Variants in LAMA5 observed in about 807,000 individuals in gnomAD.
LAMA5 encodes the protein laminin subunit alpha-5.
In LAMA5, 260 loss-of-function variants were observed where a neutral mutation model predicts 433.4. The ratio of observed to expected loss-of-function variants is 0.60; its 90% CI spans 0.54 to 0.66. The LOEUF (loss-of-function observed/expected upper bound fraction) is 0.66, where lower values mean the gene tolerates loss of function less well. Ranked by LOEUF, LAMA5 falls within the 30% of genes least tolerant of loss-of-function variation. The probability of loss-of-function intolerance (pLI) is 0.00; values close to 1 mark genes in which losing one functional copy is unlikely to be tolerated. For missense variants in LAMA5, 5,378 were observed against 5,258.5 expected (o/e 1.02, Z -0.70); for synonymous variants, 2,620 against 2,226.6 (o/e 1.18, Z -4.97).
rs1194357866 is a variant in LAMA5 at position 62,317,727 on chromosome 20, G to A, written c.7291C>T (p.His2431Tyr). Residue 2431 changes from histidine (H) to tyrosine (Y), a missense_variant, in exon 54 of 80, where the codon CAT (histidine) becomes TAT (tyrosine). Physicochemically the swap from His to Tyr is moderately conservative, Grantham distance 83. Coordinates refer to ENST00000252999, the MANE Select transcript of LAMA5 (RefSeq NM_005560.6). ...RDNATLQATLHAARDTLASVF... is the reference protein window; with the variant it reads ...RDNATLQATLYAARDTLASVF... Reference sequence around the variant, plus strand: ...CTGGCCAGGGTGTCCCTAGCCGCATGCAGAGTGGCCTGCAGGGTGGCATTG... The same window carrying A: ...CTGGCCAGGGTGTCCCTAGCCGCATACAGAGTGGCCTGCAGGGTGGCATTG... 27 of 1,607,690 alleles carry A rather than the reference G, an allele frequency of 1.7e-5. No homozygotes were observed. Among genetic ancestry groups the A allele is most frequent in the Non-Finnish European group, 2.3e-5 (27 of 1,177,924 alleles).
Position 62,326,748 on chromosome 20 carries a change from T to C in LAMA5, c.5227A>G (p.Ser1743Gly). 6.2e-7 allele frequency: 1 copy of C among 1,612,930 alleles called. No individual in the cohort carries two copies. The highest frequency in any genetic ancestry group is 8.5e-7 in the Non-Finnish European group (1 of 1,179,864). The change falls in exon 40 of 80, where the codon AGC becomes GGC. Residue 1743 changes from serine (S) to glycine (G), a missense_variant. Physicochemically the swap from Ser to Gly is moderately conservative, Grantham distance 56. Transcript: ENST00000252999. ...PDVVLQGNQMSITFLEPAYPT... is the reference protein window; with the variant it reads ...PDVVLQGNQMGITFLEPAYPT... ...TATGCCGGCTCCAGGAATGTGATGC[T>C]CATCTGGTTGCCCTGGGAAGGCACA...
In LAMA5 at chr20:62,346,067, T is replaced by G. The variant is rs769167664; in HGVS notation, c.1417+14A>C. The stretch of plus-strand genomic sequence containing the variant: ...GCAGTGGTGTCTGTTTGGATGCCCC[T>G]GGCAGGTGCTCACGGTAGCAGCTTG... On this transcript the variant is annotated intron_variant, in intron 10 of 79. Coordinates refer to ENST00000252999, the MANE Select transcript of LAMA5 (RefSeq NM_005560.6). The G allele has an allele frequency of 2.1e-5, 34 of 1,612,702 alleles. No individual in the cohort carries two copies. Among genetic ancestry groups the G allele is most frequent in the Non-Finnish European group, 2.8e-5 (33 of 1,179,878 alleles).
intron 57 of LAMA5, chr20:62,316,440 C>A (rs1986939326): frequency 3.8e-6 from 2 of 520,956 alleles, no homozygotes; most frequent in Non-Finnish European, 6.8e-6. Context: ...TCAGCTGGTG[C>A]CTCAGTGGCA....
rs144732426 is a variant in LAMA5 at position 62,338,506 on chromosome 20, T to G, written c.1580A>C (p.Glu527Ala). The G allele has an allele frequency of 6.2e-7, 1 of 1,609,704 alleles. No homozygotes were observed. Among genetic ancestry groups the G allele is most frequent in the Non-Finnish European group, 8.5e-7 (1 of 1,178,934 alleles). Residue 527 changes from glutamate (E) to alanine (A), a missense_variant, in exon 12 of 80, where the codon GAG becomes GCG. Physicochemically the swap from Glu to Ala is moderately radical, Grantham distance 107. Coordinates refer to ENST00000252999, the MANE Select transcript of LAMA5 (RefSeq NM_005560.6). ...CKPNFQGTHC[E>A]LCAPGFYGPG... ...GCCGTAGAACCCTGGCGCGCAGAGC[T>G]CACAATGGGTGCCTTGGAAGTTGGG... is the stretch of plus-strand genomic sequence containing the variant.
chr20:62,351,731 T>C lies in LAMA5; in HGVS notation c.929A>G (p.Asp310Gly). Residue 310 changes from aspartate to glycine, a missense_variant, in exon 6 of 80, where the codon GAT becomes GGT. Physicochemically the swap from Asp to Gly is moderately conservative, Grantham distance 94. Transcript: ENST00000252999. ...GAACGGGTCCGTGGGGTCTTTGGCA[T>C]CGCAGGCATCCGCGTGGCCGTGGCA... ...CVCHGHADAC[D>G]AKDPTDPFRL... 6.2e-7 allele frequency: 1 copy of C among 1,612,040 alleles called. No individual in the cohort carries two copies. The highest frequency in any genetic ancestry group is 8.5e-7 in the Non-Finnish European group (1 of 1,179,846).
Position 62,310,497 on chromosome 20 carries a change from C to T in LAMA5, c.10522G>A (p.Ala3508Thr). Residue 3508 changes from alanine (A) to threonine (T), a missense_variant, in exon 76 of 80, where the codon GCA (alanine) becomes ACA (threonine). By Grantham distance (58) the Ala-to-Thr change is moderately conservative. Coordinates refer to ENST00000252999, the MANE Select transcript of LAMA5 (RefSeq NM_005560.6). ...CCCAAGATGCAGGGTGTGACCCCTG[C>T]CATCCGTGTGGGGGCCCCCAGGGGC... The part of the protein sequence containing the change: ...GRPLGAPTRM[A>T]GVTPCILGPL... The T allele has an allele frequency of 1.9e-6, 3 of 1,567,084 alleles. No individual in the cohort carries two copies. Among genetic ancestry groups the T allele is most frequent in the South Asian group, 1.2e-5 (1 of 82,408 alleles).
chr20:62,342,742 G>A (rs1375440727), intron 11 of LAMA5, among the ~76,000 whole-genome samples: 2 of 152,138 alleles, frequency 1.3e-5, no homozygotes, highest in African/African-American at 2.4e-5. Context: ...AAAGGGTTTT[G>A]TAAGTTTGAC....
At chr20:62,316,274 G>C (rs1986921022) in intron 57 of LAMA5, 1 of 592,252 alleles carries the variant, frequency 1.7e-6, no homozygotes, top group African/African-American at 1.9e-5. Flanking sequence ...TGCAGGCATA[G>C]CTGTCCCCAT....
intron 57 of LAMA5, 181 bp from the exon 58 acceptor site, chr20:62,316,239 G>A (rs1261037380): frequency 8.4e-6 from 5 of 598,800 alleles, no homozygotes; most frequent in Admixed American, 2.9e-5. Context: ...CGTAGCCTCT[G>A]TTCCCTGAAG....
Position 62,333,717 on chromosome 20 carries a change from G to C in LAMA5, c.2879-11C>G. The stretch of plus-strand genomic sequence containing the variant: ...GACTCTGTGCTGTGCCTGGGCGGGG[G>C]CAGGGGTGAGACTCCTGAGCCCAGC... On this transcript the variant is annotated splice_polypyrimidine_tract_variant and intron_variant, in intron 23 of 79. Transcript: ENST00000252999. 6.4e-7 allele frequency: 1 copy of C among 1,573,538 alleles called. No individual in the cohort carries two copies.
intron 2 of LAMA5, among the ~76,000 whole-genome samples, chr20:62,356,850 G>A (rs745933224): frequency 2.0e-5 from 3 of 152,238 alleles, no homozygotes; most frequent in Non-Finnish European, 4.4e-5. Flanking sequence ...GAGGGAGGAC[G>A]CCAGCTGCTC....
chr20:62,334,856 C>T (rs1175091766), intron 20 of LAMA5, among the ~76,000 whole-genome samples, 165 bp downstream of exon 20: 3 of 151,802 alleles, frequency 2.0e-5, no homozygotes, highest in Admixed American at 6.6e-5. Context: ...GTGGGAGCTG[C>T]ACCCCCTCTC....
Position 62,324,829 on chromosome 20 carries a change from C to CA in LAMA5, c.5530-276dup, listed in dbSNP as rs1268695524. 1.8e-5 allele frequency: 9 copies of CA among 497,246 alleles called. No homozygotes were observed. The highest frequency in any genetic ancestry group is 1.7e-4 in the African/African-American group (9 of 51,802). The allele number at this position is 497,246 out of a possible 1,614,324, so 30.8% of individuals were successfully genotyped here. On this transcript the variant is annotated intron_variant, in intron 41 of 79. Coordinates refer to ENST00000252999, the MANE Select transcript of LAMA5 (RefSeq NM_005560.6). This position sits in a 1 kb window ranked among gnomAD's most constrained non-coding sequence, Gnocchi z 4.4. ...CCAGGCCTTGGGGCTGGTGACCACC[C>CA]ACTCCATGTGGACCAGGGCCTACTC...
intron 3 of LAMA5, chr20:62,352,851 C>T: frequency 2.4e-6 from 1 of 411,670 alleles, no homozygotes; most frequent in East Asian, 4.5e-5. Flanking sequence ...CCCCTTTTGT[C>T]ACCACGGGAG....
rs753245121 is a variant in LAMA5 at position 62,314,444 on chromosome 20, C to T, written c.8368-4G>A. The T allele has an allele frequency of 1.1e-5, 17 of 1,613,220 alleles. No individual in the cohort carries two copies. Among genetic ancestry groups the T allele is most frequent in the East Asian group, 8.9e-5 (4 of 44,884 alleles). On this transcript the variant is annotated splice_region_variant and splice_polypyrimidine_tract_variant and intron_variant, in intron 61 of 79. Coordinates refer to ENST00000252999, the MANE Select transcript of LAMA5 (RefSeq NM_005560.6). ...CACCCATGTAGTCCCCAGTGGCCTG[C>T]GGCAGTGACAGACACACAGTCGGGA...
intron 2 of LAMA5, among the ~76,000 whole-genome samples, chr20:62,355,750 C>T: frequency 6.6e-6 from 1 of 151,226 alleles, no homozygotes; most frequent in East Asian, 1.9e-4. Flanking sequence ...GCCTCAGCAG[C>T]CCCCTGTGGG....
intron 11 of LAMA5, among the ~76,000 whole-genome samples, chr20:62,340,454 G>A (rs1385110133): frequency 1.3e-5 from 2 of 151,720 alleles, no homozygotes; most frequent in African/African-American, 2.4e-5. Flanking sequence ...TGGGATTACA[G>A]GCATGCGCCA....
At chr20:62,362,146 G>C (rs1601436015) in intron 2 of LAMA5, among the ~76,000 whole-genome samples, 2 of 152,172 alleles carry the variant, frequency 1.3e-5, no homozygotes, top group East Asian at 3.9e-4. Flanking sequence ...CAAACTCTGT[G>C]GCCTTTGGAA....
At chr20:62,336,495 C>T in intron 17 of LAMA5, 50 bp from the exon 18 acceptor site, 1 of 1,494,716 alleles carries the variant, frequency 6.7e-7, no homozygotes, top group Non-Finnish European at 9.3e-7. Context: ...GCTCTCCCAC[C>T]CACAAACCAT....
Sources: allele counts gnomAD v4.1 joint callset (sites outside exome capture counted in the v4.1 genomes callset), GRCh38; gene constraint gnomAD v4.1.1; non-coding constraint Gnocchi (gnomAD v3.1); transcripts MANE v1.5; gene names NCBI Gene and HGNC (gene_info 2026-07-23, HGNC 2026-07-21).